The following PIK3R4 variants were observed in gnomAD, a reference collection of about 807,000 sequenced individuals.
PIK3R4 encodes the protein phosphoinositide-3-kinase regulatory subunit 4, also known as phosphoinositide 3-kinase regulatory subunit 4.
PIK3R4 carries 46 observed loss-of-function variants against 136.5 expected under a neutral mutation model. That is an observed-to-expected ratio of 0.34 (90% confidence interval 0.27 to 0.43). The LOEUF (loss-of-function observed/expected upper bound fraction) is 0.43, where lower values mean the gene tolerates loss of function less well. Among genes scored for constraint, PIK3R4 ranks in the 20% least tolerant of loss-of-function variants. The pLI, the probability that PIK3R4 is intolerant of heterozygous loss-of-function variation, is 1.00. For synonymous variants in PIK3R4, 557 were observed against 566.7 expected (o/e 0.98, Z 0.24); for missense variants, 1,331 against 1,649.5 (o/e 0.81, Z 3.35).
chr3:130,705,498 C>G (rs2066601180), intron 12 of PIK3R4, 63 bp downstream of exon 12: 7 of 1,045,860 alleles, frequency 6.7e-6, no homozygotes, highest in Admixed American at 5.7e-5. Flanking sequence ...TTCATTTCCT[C>G]TATTAGATTC....
chr3:130,744,631 A>G lies in PIK3R4; in HGVS notation c.588T>C (p.Tyr196=), dbSNP rs749387041. 1.2e-6 allele frequency: 2 copies of G among 1,614,266 alleles called. No individual in the cohort carries two copies. The highest frequency in any genetic ancestry group is 1.1e-5 in the South Asian group (1 of 91,090). ...FFDTSRRRTC[Y]IAPERFVDGG... Reference sequence around the variant, plus strand: ...CATCAACAAAACGTTCAGGAGCAATATAGCAAGTTCTCCTCCGTGATGTGT... The same window carrying G: ...CATCAACAAAACGTTCAGGAGCAATGTAGCAAGTTCTCCTCCGTGATGTGT... The change falls in exon 2 of 20, where the codon TAT becomes TAC. Residue 196 remains tyrosine, a synonymous_variant. Coordinates refer to ENST00000356763, the MANE Select transcript of PIK3R4 (RefSeq NM_014602.3).
rs77025645 is a variant in PIK3R4, at chr3:130,705,788, A to G, written c.2722-17T>C. 3.2e-3 allele frequency: 4,610 copies of G among 1,461,364 alleles called. 113 individuals are homozygous for G. The African/African-American group carries it at 0.052, about 17-fold the overall frequency. The allele number at this position is 1,461,364 out of a possible 1,614,324, so 90.5% of individuals were successfully genotyped here. ...TTCTGGAACCTACAAAACAAATAGA[A>G]TTCTAACTATTTACGTCGTAAGCAA... On this transcript the variant is annotated splice_polypyrimidine_tract_variant and intron_variant, in intron 11 of 19. Transcript: ENST00000356763.
chr3:130,683,133 A>G (rs1311797831), intron 16 of PIK3R4, among the ~76,000 whole-genome samples: 1 of 152,226 alleles, frequency 6.6e-6, no homozygotes, highest in Non-Finnish European at 1.5e-5. Flanking sequence ...CAGGCTTCTG[A>G]GCACCTAGCT....
chr3:130,693,516 T>C (rs191626326), intron 13 of PIK3R4, among the ~76,000 whole-genome samples: 41 of 152,342 alleles, frequency 2.7e-4, no homozygotes, highest in African/African-American at 9.1e-4. Context: ...AGTATCTCAC[T>C]GTGGTTTTGA....
chr3:130,695,777 A>C (rs1286656561), intron 13 of PIK3R4, among the ~76,000 whole-genome samples: 2 of 152,156 alleles, frequency 1.3e-5, no homozygotes, highest in Non-Finnish European at 2.9e-5. Context: ...CATAACAAAA[A>C]CCACAGTATA....
At chr3:130,706,534 C>T (rs1410126512) in intron 11 of PIK3R4, among the ~76,000 whole-genome samples, 2 of 152,132 alleles carry the variant, frequency 1.3e-5, no homozygotes, top group East Asian at 3.8e-4. Flanking sequence ...ATGATCTGTA[C>T]ATAAAAAGCA....
rs143171767 is a variant in PIK3R4, at chr3:130,726,139, AGATT to A, written c.1807+2320_1807+2323del. ...CGTTGCATATTTATACCAAATATAT[AGATT>A]ATCTATATATGACAGAAAAAAATGA... On this transcript the variant is annotated intron_variant, in intron 6 of 19. Transcript: ENST00000356763. 5.5e-3 allele frequency among the ~76,000 whole-genome samples: 838 copies of A among 152,234 alleles called. 4 individuals are homozygous for A. Among genetic ancestry groups the A allele is most frequent in the African/African-American group, 0.019 (786 of 41,570 alleles).
At chr3:130,717,621 A>G (rs1324538070) in intron 8 of PIK3R4, among the ~76,000 whole-genome samples, 1 of 152,222 alleles carries the variant, frequency 6.6e-6, no homozygotes, top group Non-Finnish European at 1.5e-5. Context: ...AGGTATAACC[A>G]AAGCTTCCTA....
intron 9 of PIK3R4, among the ~76,000 whole-genome samples, chr3:130,714,992 T>C (rs989223828): frequency 6.6e-6 from 1 of 152,156 alleles, no homozygotes; most frequent in African/African-American, 2.4e-5. Context: ...CAAATGGTAT[T>C]TCTGGTTCTA....
intron 7 of PIK3R4, among the ~76,000 whole-genome samples, chr3:130,723,082 A>AG: frequency 6.8e-6 from 1 of 146,654 alleles, no homozygotes; most frequent in Non-Finnish European, 1.5e-5. Flanking sequence ...AAAAAAAAAA[A>AG]AAAAAAAAAA....
chr3:130,687,988 G>A (rs2066498305), intron 14 of PIK3R4, among the ~76,000 whole-genome samples: 1 of 152,060 alleles, frequency 6.6e-6, no homozygotes, highest in Non-Finnish European at 1.5e-5. Context: ...CCTCTCAATG[G>A]CCAGAGCTAA....
At chr3:130,692,163 C>G (rs1472414980) in intron 13 of PIK3R4, among the ~76,000 whole-genome samples, 2 of 152,074 alleles carry the variant, frequency 1.3e-5, no homozygotes, top group African/African-American at 4.8e-5. Flanking sequence ...GTGTGAGCCA[C>G]CACACCTGGC....
chr3:130,719,206 C>T (rs1010363610), intron 7 of PIK3R4, among the ~76,000 whole-genome samples: 1 of 152,044 alleles, frequency 6.6e-6, no homozygotes, highest in African/African-American at 2.4e-5. Flanking sequence ...TACCTTTTAA[C>T]GATTTTATGT....
chr3:130,744,317 G>A (rs576892851), intron 2 of PIK3R4, among the ~76,000 whole-genome samples, 169 bp downstream of exon 2: 1 of 152,268 alleles, frequency 6.6e-6, no homozygotes, highest in East Asian at 1.9e-4. Flanking sequence ...CATTTCCTAG[G>A]CATTTAAACA....
intron 14 of PIK3R4, among the ~76,000 whole-genome samples, chr3:130,686,641 G>A (rs553900445): frequency 6.6e-6 from 1 of 152,166 alleles, no homozygotes; most frequent in Admixed American, 6.5e-5. Context: ...TTCCCCTTAG[G>A]TAAACAACTT....
intron 13 of PIK3R4, among the ~76,000 whole-genome samples, chr3:130,691,834 A>G (rs541881257): frequency 3.0e-4 from 45 of 148,554 alleles, no homozygotes; most frequent in African/African-American, 1.1e-3. Context: ...AAAATCTGTA[A>G]TATTTCATAT....
intron 16 of PIK3R4, among the ~76,000 whole-genome samples, chr3:130,683,481 T>C (rs956532107): frequency 6.6e-6 from 1 of 151,952 alleles, no homozygotes. Context: ...TGAAACCAGG[T>C]AAGGAAAGTA....
chr3:130,692,481 G>A (rs1330176964), intron 13 of PIK3R4, among the ~76,000 whole-genome samples: 1 of 152,072 alleles, frequency 6.6e-6, no homozygotes, highest in Non-Finnish European at 1.5e-5. Context: ...TTTATATCAA[G>A]CTTCTTTCAC....
intron 2 of PIK3R4, among the ~76,000 whole-genome samples, chr3:130,742,755 A>T (rs896712841): frequency 1.3e-5 from 2 of 152,222 alleles, no homozygotes; most frequent in African/African-American, 4.8e-5. Flanking sequence ...AAGCAAGAAA[A>T]AAATTAAGCC....
Sources: gnomAD v4.1 joint callset for allele counts (sites outside exome capture counted in the v4.1 genomes callset) on GRCh38, gnomAD v4.1.1 for gene constraint, MANE v1.5 for transcripts, NCBI Gene and HGNC (gene_info 2026-07-23, HGNC 2026-07-21) for gene names.